CRYBB2: variants seen among roughly 807,000 people sequenced by gnomAD.
CRYBB2 encodes crystallin beta B2, also known as beta-crystallin B2.
CRYBB2 carries 12 observed loss-of-function variants against 24.3 expected under a neutral mutation model. The observed-to-expected ratio is 0.49, with a 90% CI of 0.32 to 0.80. CRYBB2 has a LOEUF of 0.80. Ranked by LOEUF, CRYBB2 falls within the 30% of genes least tolerant of loss-of-function variation. The pLI, the probability that CRYBB2 is intolerant of heterozygous loss-of-function variation, is 0.04. For synonymous variants in CRYBB2, 98 were observed against 101.6 expected (o/e 0.96, Z 0.21); for missense variants, 198 against 268.5 (o/e 0.74, Z 1.83).
chr22:25,216,210 T>C (rs542096868), upstream of CRYBB2, among the ~76,000 whole-genome samples: 1 of 152,204 alleles, frequency 6.6e-6, no homozygotes, highest in Non-Finnish European at 1.5e-5. Context: ...ATAAAAGATA[T>C]TCCAAAGTCC....
upstream of CRYBB2, among the ~76,000 whole-genome samples, chr22:25,218,860 A>G (rs1035117785): frequency 1.3e-5 from 2 of 150,208 alleles, no homozygotes; most frequent in Admixed American, 6.6e-5. Flanking sequence ...AAGAAAGAAA[A>G]GAAAGAGAAA....
upstream of CRYBB2, among the ~76,000 whole-genome samples, chr22:25,218,834 GAAAGAGAA>G (rs1569016527): frequency 6.3e-5 from 7 of 110,684 alleles, no homozygotes; most frequent in East Asian, 2.9e-4. Context: ...AAGAAAGAAA[GAAAGAGAA>G]AGAAAGAAAG....
chr22:25,218,230 G>A (rs987261390), upstream of CRYBB2, among the ~76,000 whole-genome samples: 5 of 150,462 alleles, frequency 3.3e-5, no homozygotes, highest in South Asian at 2.1e-4. Flanking sequence ...CTGCACTCCA[G>A]CCTGGGCGAC....
At chr22:25,230,585 AC>A (rs1175236797) in intron 5 of CRYBB2, among the ~76,000 whole-genome samples, 2 of 149,820 alleles carry the variant, frequency 1.3e-5, no homozygotes, top group African/African-American at 5.0e-5. Context: ...CTCTTTCCCC[AC>A]AACAGAACCA....
chr22:25,212,196 G>A (rs1935114701), upstream of CRYBB2, among the ~76,000 whole-genome samples: 1 of 152,222 alleles, frequency 6.6e-6, no homozygotes, highest in South Asian at 2.1e-4. Flanking sequence ...CCAGACACAG[G>A]ATGCTGAAGA....
upstream of CRYBB2, among the ~76,000 whole-genome samples, chr22:25,218,054 T>C (rs1026741489): frequency 1.3e-5 from 2 of 149,328 alleles, no homozygotes; most frequent in Non-Finnish European, 3.0e-5. Context: ...GGTCAGGAGA[T>C]CGAGACCATC....
At chr22:25,216,734 C>T (rs5760914), upstream of CRYBB2, among the ~76,000 whole-genome samples, 73,847 of 151,926 alleles carry the variant, frequency 0.49, 18,458 homozygotes, top group East Asian at 0.83. Flanking sequence ...CCCAGCTTTT[C>T]CATCATCCCA....
At chr22:25,231,041 G>A (rs536207822) in intron 5 of CRYBB2, among the ~76,000 whole-genome samples, 78 of 152,306 alleles carry the variant, frequency 5.1e-4, no homozygotes, top group African/African-American at 1.8e-3. Context: ...AGAGATGTGG[G>A]AGCATAAGAA....
intron 4 of CRYBB2, among the ~76,000 whole-genome samples, chr22:25,228,709 T>G (rs943787529): frequency 2.0e-5 from 3 of 152,380 alleles, no homozygotes; most frequent in African/African-American, 7.2e-5. Context: ...GCACGTCATT[T>G]GACCTCTCTG....
rs16986560 is a variant in CRYBB2, at chr22:25,227,872, G to T, written c.193G>T (p.Ala65Ser). ...TGGCAGCTGGGTGGGCTATGAACAG[G>T]CCAACTGCAAGGGCGAGCAGTTTGT... ...QAGPWVGYEQ[A>S]NCKGEQFVFE... Residue 65 changes from alanine to serine, a missense_variant, in exon 4 of 6, where the codon GCC (alanine) becomes TCC (serine). Physicochemically the swap from Ala to Ser is moderately conservative, Grantham distance 99. Coordinates refer to ENST00000398215, the MANE Select transcript of CRYBB2 (RefSeq NM_000496.3). 21,604 of 1,614,088 alleles carry T rather than the reference G, an allele frequency of 0.013. 285 individuals carry two copies. Among genetic ancestry groups the T allele is most frequent in the South Asian group, 0.047 (4,237 of 91,078 alleles).
chr22:25,226,156 A>G (rs925234855), intron 3 of CRYBB2, among the ~76,000 whole-genome samples: 1 of 141,928 alleles, frequency 7.0e-6, no homozygotes, highest in African/African-American at 2.6e-5. Flanking sequence ...TTTGGTATGA[A>G]TTTGGATTTC....
chr22:25,219,581 T>C (rs1414759699), upstream of CRYBB2: 4 of 152,264 alleles, frequency 2.6e-5, no homozygotes, highest in African/African-American at 9.6e-5. Flanking sequence ...CGGTCACTCA[T>C]CTTGGCACCG....
intron 1 of CRYBB2, among the ~76,000 whole-genome samples, chr22:25,219,938 A>C (rs1372869419): frequency 6.6e-6 from 1 of 152,136 alleles, no homozygotes; most frequent in Non-Finnish European, 1.5e-5. Context: ...ACAGACTATC[A>C]GCATCCTTGT....
intron 1 of CRYBB2, among the ~76,000 whole-genome samples, chr22:25,214,461 T>G (rs966781359): frequency 6.6e-6 from 1 of 152,214 alleles, no homozygotes; most frequent in Non-Finnish European, 1.5e-5. Flanking sequence ...TTGCTTGAAG[T>G]AGAAATGAAT....
chr22:25,221,552 G>A, intron 2 of CRYBB2, 69 bp downstream of exon 2: 1 of 1,245,246 alleles, frequency 8.0e-7, no homozygotes, highest in Non-Finnish European at 1.2e-6. Flanking sequence ...TCTGTAAAAT[G>A]GGCTTGGCAT....
chr22:25,218,776 AGAGAAG>A (rs1569016267), upstream of CRYBB2, among the ~76,000 whole-genome samples: 1 of 30,520 alleles, frequency 3.3e-5, no homozygotes, highest in South Asian at 1.5e-3. Context: ...AGAGAGAGAG[AGAGAAG>A]AAAGAAAGAA....
chr22:25,215,864 T>C (rs1460605712), upstream of CRYBB2, among the ~76,000 whole-genome samples: 1 of 152,184 alleles, frequency 6.6e-6, no homozygotes. Flanking sequence ...GTTGTGAGGA[T>C]TGAATTAATG....
upstream of CRYBB2, among the ~76,000 whole-genome samples, chr22:25,216,309 A>G (rs1381211194): frequency 6.6e-6 from 1 of 152,218 alleles, no homozygotes; most frequent in East Asian, 1.9e-4. Flanking sequence ...ATCAGGGTGA[A>G]GTTGCCTAGT....
chr22:25,211,970 CCT>C (rs1312597383), upstream of CRYBB2, among the ~76,000 whole-genome samples: 2 of 152,210 alleles, frequency 1.3e-5, no homozygotes, highest in East Asian at 3.8e-4. Flanking sequence ...AGTCACTTAA[CCT>C]CTCTGTGCTT....
Sources: gnomAD v4.1 joint callset for allele counts (sites outside exome capture counted in the v4.1 genomes callset) on GRCh38, gnomAD v4.1.1 for gene constraint, MANE v1.5 for transcripts, NCBI Gene and HGNC (gene_info 2026-07-23, HGNC 2026-07-21) for gene names.